ZNF254: variants seen among roughly 807,000 people sequenced by gnomAD.
The protein encoded by ZNF254 is zinc finger protein 254, also known as CTD-2017D11.1.
A neutral mutation model predicts 12.4 loss-of-function variants in ZNF254; 10 were observed. That is an observed-to-expected ratio of 0.80 (90% CI 0.50 to 1.36). The LOEUF (loss-of-function observed/expected upper bound fraction) is 1.36. Ranked by LOEUF, ZNF254 falls within the 40% of genes most tolerant of loss-of-function variation. The pLI is 0.00. For synonymous variants in ZNF254, 305 were observed against 253.4 expected (o/e 1.20, Z -1.93); for missense variants, 996 against 763.9 (o/e 1.30, Z -3.58).
rs2146016079 is a variant in ZNF254, at chr19:24,126,486, C to T, written c.486C>T (p.Val162=). The stretch of plus-strand genomic sequence containing the variant: ...TTCAATGTGATAAATATTTGAAAGT[C>T]TTCTATAAATTTTTAAATTCAAACA... The part of the protein sequence containing the change: ...KVFQCDKYLK[V]FYKFLNSNRP... Residue 162 remains valine, a synonymous_variant, in exon 4 of 4, where the codon GTC becomes GTT. Transcript: ENST00000357002. 1 of 1,587,508 alleles carries T rather than the reference C, an allele frequency of 6.3e-7. No individual in the cohort carries two copies. The highest frequency in any genetic ancestry group is 1.2e-5 in the South Asian group (1 of 86,074).
intron 3 of ZNF254, among the ~76,000 whole-genome samples, chr19:24,121,530 GT>G (rs66774560): frequency 0.15 from 22,548 of 151,928 alleles, 2,796 homozygotes; most frequent in African/African-American, 0.34. Flanking sequence ...AATTATATCT[GT>G]TTGTTTGCCT....
rs1975015028 is a variant in ZNF254, at chr19:24,127,917, T to TA, written c.1919dup (p.Asn640LysfsTer10). The TA allele has an allele frequency of 1.9e-6, 3 of 1,610,118 alleles. No individual in the cohort carries two copies. Among genetic ancestry groups the TA allele is most frequent in the Non-Finnish European group, 2.5e-6 (3 of 1,178,272 alleles). On this transcript the variant is annotated frameshift_variant, in exon 4 of 4. Coordinates refer to ENST00000357002, the MANE Select transcript of ZNF254 (RefSeq NM_203282.4). LOFTEE classifies it low-confidence loss of function (END_TRUNC). Reference sequence around the variant, plus strand: ...AATGGGAAAAATTTGGCAAAGCCTTTAATCGGTCCTCGCACCTCACCACAG... The same window carrying TA: ...AATGGGAAAAATTTGGCAAAGCCTTTAAATCGGTCCTCGCACCTCACCACAG...
intron 2 of ZNF254, among the ~76,000 whole-genome samples, chr19:24,072,471 C>T (rs1300450791): frequency 6.6e-6 from 1 of 152,142 alleles, no homozygotes; most frequent in East Asian, 1.9e-4. Flanking sequence ...TGTGCCACGC[C>T]TTATTACCCT....
At chr19:24,125,033 C>A (rs563067406) in intron 3 of ZNF254, among the ~76,000 whole-genome samples, 2 of 152,112 alleles carry the variant, frequency 1.3e-5, no homozygotes, top group Admixed American at 6.5e-5. Context: ...GATCGGCCCA[C>A]CTTGGCCTCC....
chr19:24,061,578 G>C (rs1428148798), intron 2 of ZNF254, among the ~76,000 whole-genome samples: 11 of 152,176 alleles, frequency 7.2e-5, no homozygotes, highest in Non-Finnish European at 1.6e-4. Flanking sequence ...CCCAGATGAT[G>C]TGACTCTCCT....
At position 24,126,480 on chromosome 19, in the gene ZNF254, G is replaced by GA; in HGVS notation, c.483dup (p.Val162SerfsTer4). The GA allele has an allele frequency of 6.3e-7, 1 of 1,587,794 alleles. No individual in the cohort carries two copies. ...AAGTATTTCAATGTGATAAATATTT[G>GA]AAAGTCTTCTATAAATTTTTAAATT... is the stretch of plus-strand genomic sequence containing the variant. On this transcript the variant is annotated frameshift_variant, in exon 4 of 4. Coordinates refer to ENST00000357002, the MANE Select transcript of ZNF254 (RefSeq NM_203282.4). LOFTEE classifies it low-confidence loss of function (END_TRUNC).
intron 1 of ZNF254, among the ~76,000 whole-genome samples, chr19:24,096,954 T>C (rs1972706620): frequency 6.6e-6 from 1 of 152,214 alleles, no homozygotes; most frequent in African/African-American, 2.4e-5. Context: ...GATGGACCTG[T>C]CTGTTGTAAA....
At chr19:24,089,899 CAAA>C (rs1394603454) in intron 1 of ZNF254, among the ~76,000 whole-genome samples, 1 of 151,492 alleles carries the variant, frequency 6.6e-6, no homozygotes, top group Non-Finnish European at 1.5e-5. Context: ...CAAAACAAAA[CAAA>C]AACGAGGGCC....
At position 24,095,220 on chromosome 19, in the gene ZNF254, C is replaced by T. The variant is rs539908618; in HGVS notation, c.30+7883C>T. Reference sequence around the variant, plus strand: ...ATTTGTGTATGTTGAACCAACCTTACATTCCCAGAATAAATTCTACTTGAT... The same window carrying T: ...ATTTGTGTATGTTGAACCAACCTTATATTCCCAGAATAAATTCTACTTGAT... On this transcript the variant is annotated intron_variant, in intron 1 of 3. Coordinates refer to ENST00000357002, the MANE Select transcript of ZNF254 (RefSeq NM_203282.4). Among the ~76,000 whole-genome samples, 17 of 152,328 alleles carry T rather than the reference C, an allele frequency of 1.1e-4. No homozygotes were observed. In the South Asian group the frequency reaches 3.5e-3, roughly 32 times the overall value.
intron 2 of ZNF254, among the ~76,000 whole-genome samples, chr19:24,076,390 T>C (rs1568441162): frequency 1.3e-5 from 2 of 152,192 alleles, no homozygotes; most frequent in Admixed American, 6.5e-5. Flanking sequence ...CTGCAACATA[T>C]CTCTGCATCC....
intron 1 of ZNF254, among the ~76,000 whole-genome samples, chr19:24,039,474 G>C (rs149243565): frequency 6.6e-6 from 1 of 152,032 alleles, no homozygotes; most frequent in Admixed American, 6.6e-5. Context: ...TGCCAGGCTG[G>C]AGTGCAGTGG....
At chr19:24,044,994 C>T (rs1005686591) in intron 1 of ZNF254, among the ~76,000 whole-genome samples, 1 of 152,172 alleles carries the variant, frequency 6.6e-6, no homozygotes, top group Non-Finnish European at 1.5e-5. Flanking sequence ...TATCTAATGT[C>T]TAATAACTAT....
exon 1 of ZNF254, chr19:24,033,593 T>C: frequency 2.4e-6 from 1 of 410,224 alleles, no homozygotes; most frequent in Non-Finnish European, 4.8e-6. Context: ...ACAGCTAAGA[T>C]GTCAGGACAT....
chr19:24,105,024 C>T (rs554296477), intron 1 of ZNF254: 2 of 152,288 alleles, frequency 1.3e-5, no homozygotes, highest in East Asian at 3.9e-4. Context: ...CTGATGTTTT[C>T]TTATGATTAA....
rs2146012846 is a variant in ZNF254 at position 24,126,296 on chromosome 19, G to A, written c.296G>A (p.Gly99Asp). The A allele has an allele frequency of 1.3e-6, 2 of 1,577,820 alleles. No individual in the cohort carries two copies. Among genetic ancestry groups the A allele is most frequent in the Non-Finnish European group, 8.6e-7 (1 of 1,164,624 alleles). Reference sequence around the variant, plus strand: ...GCTCAAGACCTTTGGCCAGAGCAGGGCATGGAAGATTCTTTTCAAAAAGCA... The same window carrying A: ...GCTCAAGACCTTTGGCCAGAGCAGGACATGGAAGATTCTTTTCAAAAAGCA... ...HFAQDLWPEQ[G>D]MEDSFQKAIL... Residue 99 changes from glycine to aspartate, a missense_variant, in exon 4 of 4, where the codon GGC becomes GAC. Transcript: ENST00000357002.
chr19:24,124,545 T>C (rs1974699056), intron 3 of ZNF254, among the ~76,000 whole-genome samples: 1 of 152,154 alleles, frequency 6.6e-6, no homozygotes, highest in African/African-American at 2.4e-5. Flanking sequence ...GCATTTCCAA[T>C]ATACTTTTTT....
chr19:24,058,616 C>T (rs548659850), intron 2 of ZNF254, among the ~76,000 whole-genome samples: 7 of 152,164 alleles, frequency 4.6e-5, no homozygotes, highest in South Asian at 4.2e-4. Context: ...CCATGTTGGT[C>T]AGGCTGGTCT....
chr19:24,103,868 G>C (rs1973176830), intron 1 of ZNF254: 1 of 152,324 alleles, frequency 6.6e-6, no homozygotes, highest in Non-Finnish European at 1.5e-5. Flanking sequence ...GCGATTACAG[G>C]TGCCTGCCAC....
chr19:24,040,644 C>T (rs986779818), intron 1 of ZNF254, among the ~76,000 whole-genome samples: 6 of 152,078 alleles, frequency 3.9e-5, no homozygotes, highest in Non-Finnish European at 4.4e-5. Context: ...GAGGCTTAAC[C>T]GACACAATGC....
Sources: gnomAD v4.1 joint callset for allele counts (sites outside exome capture counted in the v4.1 genomes callset) on GRCh38, gnomAD v4.1.1 for gene constraint, MANE v1.5 for transcripts, NCBI Gene and HGNC (gene_info 2026-07-23, HGNC 2026-07-21) for gene names.